PMFBP1: variants seen among roughly 807,000 people sequenced by gnomAD.
PMFBP1 encodes the protein polyamine-modulated factor 1-binding protein 1.
Under a neutral mutation model 137.8 loss-of-function variants are expected in PMFBP1, and 131 were observed. The observed-to-expected ratio is 0.95, with a 90% CI of 0.82 to 1.10. The LOEUF (loss-of-function observed/expected upper bound fraction) is 1.10, where lower values mean the gene tolerates loss of function less well. Ranked by LOEUF, PMFBP1 falls within the 50% of genes least tolerant of loss-of-function variation. PMFBP1 has a pLI of 0.00. For missense variants in PMFBP1, 1,199 were observed against 1,175.4 expected (o/e 1.02, Z -0.29); for synonymous variants, 490 against 450.4 (o/e 1.09, Z -1.11).
At chr16:72,187,710 G>T in the PMFBP1 span, among the ~76,000 whole-genome samples, 1 of 152,188 alleles carries the variant, frequency 6.6e-6, no homozygotes, top group African/African-American at 2.4e-5. Context: ...CTGCCGAAGG[G>T]TGTTGATAAT....
intron 5 of PMFBP1, among the ~76,000 whole-genome samples, chr16:72,143,468 C>T (rs186954483): frequency 3.3e-5 from 5 of 152,236 alleles, no homozygotes; most frequent in South Asian, 2.1e-4. Context: ...TTAGGCCGGG[C>T]GTGGTGGCTT....
At chr16:72,221,390 T>C in the PMFBP1 span, among the ~76,000 whole-genome samples, 1 of 152,246 alleles carries the variant, frequency 6.6e-6, no homozygotes, top group African/African-American at 2.4e-5. Flanking sequence ...CTCAGTGCTC[T>C]GGCCCGCTGC....
chr16:72,167,671 C>T (rs762567820), intron 2 of PMFBP1, among the ~76,000 whole-genome samples: 2 of 152,174 alleles, frequency 1.3e-5, no homozygotes, highest in Non-Finnish European at 2.9e-5. Flanking sequence ...CCCTAAGGAG[C>T]CTCTCCACTC....
At position 72,124,756 on chromosome 16, in the gene PMFBP1, G is replaced by A; in HGVS notation, c.2589+11C>T. The A allele has an allele frequency of 1.2e-6, 2 of 1,611,854 alleles. No individual in the cohort carries two copies. Among genetic ancestry groups the A allele is most frequent in the Non-Finnish European group, 1.7e-6 (2 of 1,178,580 alleles). ...CTGAGAGGAGGCACGCAGAAGCCAA[G>A]GCATGCCCACCTCCTTATCGTCCTC... On this transcript the variant is annotated intron_variant, in intron 17 of 20. Coordinates refer to ENST00000237353, the MANE Select transcript of PMFBP1 (RefSeq NM_031293.3).
chr16:72,162,181 G>A (rs1289803984), intron 3 of PMFBP1, among the ~76,000 whole-genome samples: 2 of 152,186 alleles, frequency 1.3e-5, no homozygotes, highest in African/African-American at 2.4e-5. Flanking sequence ...GGACTACAGT[G>A]AGGGAAGTGA....
upstream of PMFBP1, among the ~76,000 whole-genome samples, chr16:72,178,514 T>C (rs2144545419): frequency 6.6e-6 from 1 of 152,316 alleles, no homozygotes; most frequent in Middle Eastern, 3.4e-3. Flanking sequence ...CTACATTTAT[T>C]CGCTGGAACT....
At chr16:72,213,022 A>C in the PMFBP1 span, among the ~76,000 whole-genome samples, 3 of 152,206 alleles carry the variant, frequency 2.0e-5, no homozygotes, top group South Asian at 6.2e-4. Context: ...GACTTAGAAC[A>C]TTTATCTTCA....
chr16:72,139,489 C>G, intron 6 of PMFBP1, 90 bp from the exon 7 acceptor site: 1 of 1,047,354 alleles, frequency 9.5e-7, no homozygotes, highest in Non-Finnish European at 1.5e-6. Flanking sequence ...CTTTCTGCAG[C>G]ATAAGTTTGT....
chr16:72,242,381 G>A, the PMFBP1 span, among the ~76,000 whole-genome samples: 3 of 152,224 alleles, frequency 2.0e-5, no homozygotes, highest in Non-Finnish European at 4.4e-5. Flanking sequence ...ATACATTTAT[G>A]AATTTAAAAC....
At chr16:72,215,493 C>T in the PMFBP1 span, among the ~76,000 whole-genome samples, 1 of 152,222 alleles carries the variant, frequency 6.6e-6, no homozygotes, top group East Asian at 1.9e-4. Flanking sequence ...AAATAATTGA[C>T]AACCCTGAAT....
chr16:72,221,353 C>T, the PMFBP1 span, among the ~76,000 whole-genome samples: 4 of 152,144 alleles, frequency 2.6e-5, no homozygotes, highest in Non-Finnish European at 5.9e-5. Context: ...TGTTGCAGAG[C>T]GCCTGCACTC....
the PMFBP1 span, among the ~76,000 whole-genome samples, chr16:72,242,320 C>A: frequency 6.6e-6 from 1 of 152,096 alleles, no homozygotes; most frequent in Non-Finnish European, 1.5e-5. Flanking sequence ...TTGTGTTCTG[C>A]AGAGGAGAAA....
At chr16:72,168,661 T>C (rs543726540) in intron 2 of PMFBP1, among the ~76,000 whole-genome samples, 1 of 152,310 alleles carries the variant, frequency 6.6e-6, no homozygotes, top group East Asian at 1.9e-4. Context: ...AAGTCTCCAC[T>C]GCTAGGTGAG....
At chr16:72,158,602 C>T (rs1194939242) in intron 3 of PMFBP1, among the ~76,000 whole-genome samples, 2 of 152,088 alleles carry the variant, frequency 1.3e-5, no homozygotes, top group Non-Finnish European at 2.9e-5. Context: ...AAAACATGAT[C>T]ACAAATAAGT....
At chr16:72,164,518 G>A (rs2043114451) in intron 3 of PMFBP1, 3 of 1,406,868 alleles carry the variant, frequency 2.1e-6, no homozygotes, top group East Asian at 5.5e-5. Flanking sequence ...GCCAGATAAG[G>A]AAAACATCGT....
chr16:72,221,451 A>G, the PMFBP1 span, among the ~76,000 whole-genome samples: 1 of 152,214 alleles, frequency 6.6e-6, no homozygotes, highest in African/African-American at 2.4e-5. Flanking sequence ...TGAAAATTAG[A>G]AAGCAGACGT....
the PMFBP1 span, among the ~76,000 whole-genome samples, chr16:72,222,649 A>G: frequency 6.6e-6 from 1 of 151,702 alleles, no homozygotes; most frequent in African/African-American, 2.4e-5. Flanking sequence ...TAGACTGCCG[A>G]CTCTCCCACT....
At chr16:72,245,192 AAATAAC>A in the PMFBP1 span, among the ~76,000 whole-genome samples, 9,641 of 152,278 alleles carry the variant, frequency 0.063, 348 homozygotes, top group Middle Eastern at 0.1. Flanking sequence ...ACAGAAAACT[AAATAAC>A]AATAACAGCA....
chr16:72,180,699 T>G (rs958954373), upstream of PMFBP1, among the ~76,000 whole-genome samples: 2 of 151,982 alleles, frequency 1.3e-5, no homozygotes, highest in African/African-American at 4.8e-5. Context: ...CAGCCCTCTG[T>G]ATGTGTTGTA....
Sources: gnomAD v4.1 joint callset for allele counts (sites outside exome capture counted in the v4.1 genomes callset) on GRCh38, gnomAD v4.1.1 for gene constraint, MANE v1.5 for transcripts, NCBI Gene and HGNC (gene_info 2026-07-23, HGNC 2026-07-21) for gene names.